Variants in GSE1 observed in about 807,000 individuals in gnomAD.
The protein encoded by GSE1 is Gse1 coiled-coil protein.
A neutral mutation model predicts 112.6 loss-of-function variants in GSE1; 32 were observed. That is an observed-to-expected ratio of 0.28 (90% CI 0.21 to 0.38). GSE1 has a LOEUF of 0.38. Among genes scored for constraint, GSE1 ranks in the 10% least tolerant of loss-of-function variants. The pLI, the probability that GSE1 is intolerant of heterozygous loss-of-function variation, is 1.00. For missense variants in GSE1, 2,348 were observed against 1,699.2 expected (o/e 1.38, Z -6.71); for synonymous variants, 1,115 against 735.6 (o/e 1.52, Z -8.35).
rs534673119 is a variant in GSE1, at chr16:85,557,274, G to A, written c.37+911G>A. Among the ~76,000 whole-genome samples the A allele has an allele frequency of 5.2e-3, 788 of 152,328 alleles. 6 individuals carry two copies. Among genetic ancestry groups the A allele is most frequent in the Non-Finnish European group, 9.8e-3 (668 of 68,026 alleles). On this transcript the variant is annotated intron_variant, in intron 1 of 2. Transcript: ENST00000635906. ...ACAGGCCTGCCCCAGGTGGGGCCAC[G>A]TGACGCAGGTCAGGAAGGCTGTGCT...
rs75405577 is a variant in GSE1 at position 85,428,711 on chromosome 16, G to A, written c.2464+71068G>A. Among the ~76,000 whole-genome samples, 1,525 of 152,296 alleles carry A rather than the reference G, an allele frequency of 0.01. 45 individuals are homozygous for A. In the East Asian group the frequency reaches 0.11, roughly 11 times the overall value. On this transcript the variant is annotated intron_variant, in intron 2 of 2. Transcript: ENST00000637419. ...AACTGGACTGTCCACAGCCCCAGAAGATGAATTTCACTGTTGGCTCCTGTT... is the reference window on the plus strand; with the variant it reads ...AACTGGACTGTCCACAGCCCCAGAAAATGAATTTCACTGTTGGCTCCTGTT...
At chr16:85,476,502 A>G (rs2050459989) in intron 2 of GSE1, among the ~76,000 whole-genome samples, 1 of 152,150 alleles carries the variant, frequency 6.6e-6, no homozygotes, top group Non-Finnish European at 1.5e-5. Flanking sequence ...GTTGCTGCCC[A>G]TGCCTTCTGT....
intron 2 of GSE1, among the ~76,000 whole-genome samples, chr16:85,381,841 CA>C (rs1284267122): frequency 6.6e-6 from 1 of 152,212 alleles, no homozygotes; most frequent in Non-Finnish European, 1.5e-5. Context: ...AATGTCACTG[CA>C]AAGCAAGCTA....
intron 3 of GSE1, among the ~76,000 whole-genome samples, chr16:85,653,957 C>T (rs2051671801): frequency 1.3e-5 from 2 of 152,098 alleles, no homozygotes; most frequent in African/African-American, 4.8e-5. Context: ...GGCAGGAGCC[C>T]CTGCCACCCT....
chr16:85,283,381 T>A (rs2044914021), intron 1 of GSE1: 1 of 152,766 alleles, frequency 6.5e-6, no homozygotes, highest in South Asian at 2.1e-4. Context: ...GCCCTGAGCA[T>A]CTTGGCTCTG....
chr16:85,194,851 AG>A (rs933987301), intron 1 of GSE1, among the ~76,000 whole-genome samples: 54 of 152,260 alleles, frequency 3.5e-4, no homozygotes, highest in African/African-American at 1.3e-3. Context: ...GCAGGATCCA[AG>A]GTGCCTAGGT....
intron 2 of GSE1, among the ~76,000 whole-genome samples, chr16:85,636,190 G>A (rs910903035): frequency 3.9e-5 from 6 of 152,240 alleles, no homozygotes; most frequent in South Asian, 2.1e-4. Context: ...AGATGCCCCC[G>A]GGGTGGATGC....
At chr16:85,198,939 C>T (rs929567797) in intron 1 of GSE1, among the ~76,000 whole-genome samples, 2 of 151,336 alleles carry the variant, frequency 1.3e-5, no homozygotes, top group African/African-American at 2.4e-5. Flanking sequence ...CCACCACACC[C>T]GGCTAATTTT....
chr16:85,354,326 A>C (rs564915962), intron 1 of GSE1, among the ~76,000 whole-genome samples: 178 of 152,362 alleles, frequency 1.2e-3, no homozygotes, highest in African/African-American at 3.9e-3. Flanking sequence ...CAGATCACTC[A>C]GTTCATCTCT....
intron 2 of GSE1, among the ~76,000 whole-genome samples, chr16:85,384,943 G>A (rs1383253595): frequency 6.6e-6 from 1 of 152,244 alleles, no homozygotes; most frequent in Non-Finnish European, 1.5e-5. Context: ...CCGGCCTGCC[G>A]CAGACCCAGC....
rs546240242 is a variant in GSE1 at position 85,379,582 on chromosome 16, C to G, written c.2464+21939C>G. On this transcript the variant is annotated intron_variant, in intron 2 of 2. Transcript: ENST00000637419. ...GGACCCCTGGGTTCTCATGGACCAT[C>G]CAAGGTCTTACTTAGAAGCAGCAGC... Among the ~76,000 whole-genome samples, 5 of 152,346 alleles carry G rather than the reference C, an allele frequency of 3.3e-5. No individual in the cohort carries two copies. In the East Asian group the frequency reaches 9.7e-4, roughly 29 times the overall value.
chr16:85,214,908 G>A (rs1340008086), intron 1 of GSE1, among the ~76,000 whole-genome samples: 1 of 152,194 alleles, frequency 6.6e-6, no homozygotes, highest in Non-Finnish European at 1.5e-5. Flanking sequence ...GGCCACAGGA[G>A]GGCTGGCCCC....
intron 1 of GSE1, among the ~76,000 whole-genome samples, chr16:85,243,414 G>T (rs1905318241): frequency 6.6e-6 from 1 of 152,258 alleles, no homozygotes; most frequent in Non-Finnish European, 1.5e-5. Flanking sequence ...ACACTCCTTT[G>T]CTCACAGTTT....
chr16:85,182,991 T>A (rs2074623890), intron 1 of GSE1, among the ~76,000 whole-genome samples: 1 of 152,192 alleles, frequency 6.6e-6, no homozygotes, highest in African/African-American at 2.4e-5. Context: ...CACACTTGTA[T>A]GCATACTCAC....
At position 85,657,561 on chromosome 16, in the gene GSE1, C is replaced by T. The variant is rs749164648; in HGVS notation, c.1597C>T (p.Pro533Ser). The T allele has an allele frequency of 1.9e-6, 3 of 1,575,262 alleles. No individual in the cohort carries two copies. The African/African-American group carries it at 4.1e-5, about 21-fold the overall frequency. ...LEQHLDMGRP[P>S]VPAEAEHRPE... is the part of the protein sequence containing the mutation. ...GCAGCACCTGGATATGGGCCGGCCC[C>T]CGGTGCCGGCGGAGGCAGAGCACAG... Residue 533 changes from proline (P) to serine (S), a missense_variant, in exon 8 of 16, where the codon CCG becomes TCG. Coordinates refer to ENST00000253458, the MANE Select transcript of GSE1 (RefSeq NM_014615.5).
At chr16:85,439,162 T>TGCCC (rs1400639538) in intron 2 of GSE1, among the ~76,000 whole-genome samples, 1 of 152,248 alleles carries the variant, frequency 6.6e-6, no homozygotes, top group Non-Finnish European at 1.5e-5. Flanking sequence ...GTGCCCTGCC[T>TGCCC]GCCCTGGCCC....
At chr16:85,420,830 G>T (rs991689703) in intron 2 of GSE1, among the ~76,000 whole-genome samples, 2 of 152,040 alleles carry the variant, frequency 1.3e-5, no homozygotes, top group Non-Finnish European at 2.9e-5. Context: ...CAGGGCACCC[G>T]GCCGCAGCCT....
chr16:85,644,315 G>C (rs553488189), intron 2 of GSE1, among the ~76,000 whole-genome samples: 2 of 149,016 alleles, frequency 1.3e-5, no homozygotes, highest in Non-Finnish European at 3.0e-5. Flanking sequence ...CTCCAGCCCA[G>C]CCTGGGCAGC....
intron 14 of GSE1, chr16:85,670,757 T>C (rs1476280338): frequency 6.4e-6 from 2 of 310,110 alleles, no homozygotes; most frequent in African/African-American, 4.3e-5. Context: ...TCAAATTGCC[T>C]TTAGGTCCTG....
Sources: gnomAD v4.1 joint callset for allele counts (sites outside exome capture counted in the v4.1 genomes callset) on GRCh38, gnomAD v4.1.1 for gene constraint, MANE v1.5 for transcripts, NCBI Gene and HGNC (gene_info 2026-07-23, HGNC 2026-07-21) for gene names.